UNC5D: variants seen among roughly 807,000 people sequenced by gnomAD.
UNC5D encodes the protein unc-5 netrin receptor D, also known as netrin receptor UNC5D.
In UNC5D, 39 loss-of-function variants were observed where a neutral mutation model predicts 105.4. That is an observed-to-expected ratio of 0.37 (90% CI 0.29 to 0.48). UNC5D has a LOEUF of 0.48. Ranked by LOEUF, UNC5D falls within the 20% of genes least tolerant of loss-of-function variation. The pLI is 0.98. For missense variants in UNC5D, 991 were observed against 1,202.4 expected (o/e 0.82, Z 2.60); for synonymous variants, 452 against 450.4 (o/e 1.00, Z -0.04).
chr8:35,610,709 T>G (rs1048982168), intron 4 of UNC5D, among the ~76,000 whole-genome samples: 45 of 152,180 alleles, frequency 3.0e-4, no homozygotes, highest in African/African-American at 1.1e-3. Flanking sequence ...TTCTCTACAT[T>G]TGGCCAGAGC....
rs74424493 is a variant in UNC5D at position 35,490,226 on chromosome 8, G to A, written c.104-59066G>A. Among the ~76,000 whole-genome samples, 331 of 152,278 alleles carry A rather than the reference G, an allele frequency of 2.2e-3. 10 individuals carry two copies. The East Asian group carries it at 0.055, about 25-fold the overall frequency. On this transcript the variant is annotated intron_variant, in intron 1 of 16. Transcript: ENST00000404895. The stretch of plus-strand genomic sequence containing the variant: ...TGGTGTATTAACAATTTTGGAGCGG[G>A]GCACTATGGCTCATGCCTGTAATCC...
chr8:35,489,507 A>G (rs1216173119), intron 1 of UNC5D, among the ~76,000 whole-genome samples: 1 of 152,172 alleles, frequency 6.6e-6, no homozygotes, highest in East Asian at 1.9e-4. Flanking sequence ...ACGAATAGAA[A>G]TTTGGACACA....
At chr8:35,614,577 G>C (rs1251878361) in intron 4 of UNC5D, among the ~76,000 whole-genome samples, 1 of 151,918 alleles carries the variant, frequency 6.6e-6, no homozygotes, top group Admixed American at 6.6e-5. Context: ...AAAAAAAAGT[G>C]AGTTTTACTA....
At position 35,452,907 on chromosome 8, in the gene UNC5D, AGTT is replaced by A. The variant is rs1387874657; in HGVS notation, c.104-96384_104-96382del. On this transcript the variant is annotated intron_variant, in intron 1 of 16. Transcript: ENST00000404895. The stretch of plus-strand genomic sequence containing the variant: ...TGATCCAAGAGCTTCAGGAGGCATT[AGTT>A]TACTTTGAATATTTTTATATCTTTT... 2.7e-4 allele frequency among the ~76,000 whole-genome samples: 41 copies of A among 152,286 alleles called. 2 individuals are homozygous for A. Among genetic ancestry groups the A allele is most frequent in the African/African-American group, 9.4e-4 (39 of 41,574 alleles).
chr8:35,380,178 G>A (rs562934145), intron 1 of UNC5D, among the ~76,000 whole-genome samples: 5 of 140,168 alleles, frequency 3.6e-5, no homozygotes, highest in South Asian at 2.4e-4. Context: ...AGACCAAGAC[G>A]GAGAGACAGA....
At chr8:35,443,579 G>A (rs777413940) in intron 1 of UNC5D, among the ~76,000 whole-genome samples, 36 of 151,838 alleles carry the variant, frequency 2.4e-4, no homozygotes, top group African/African-American at 7.7e-4. Context: ...GGGAATCTGC[G>A]GAATATTTAG....
rs557163428 is a variant in UNC5D, at chr8:35,334,743, A to G, written c.103+98856A>G. On this transcript the variant is annotated intron_variant, in intron 1 of 16. Transcript: ENST00000404895. The stretch of plus-strand genomic sequence containing the variant: ...TGGCAAGGATGGTCTCGAACTCCTG[A>G]CCTCAGATGATGCACCCACCTCGGC... 2.6e-5 allele frequency among the ~76,000 whole-genome samples: 4 copies of G among 152,144 alleles called. No homozygotes were observed. The South Asian group carries it at 8.3e-4, about 32-fold the overall frequency.
At chr8:35,494,937 G>A (rs1811450288) in intron 1 of UNC5D, among the ~76,000 whole-genome samples, 1 of 152,044 alleles carries the variant, frequency 6.6e-6, no homozygotes, top group Middle Eastern at 3.4e-3. Context: ...ATTTATTCTA[G>A]CCTATATTTT....
At chr8:35,724,498 T>C (rs965879661) in intron 9 of UNC5D, among the ~76,000 whole-genome samples, 3 of 152,096 alleles carry the variant, frequency 2.0e-5, no homozygotes, top group African/African-American at 7.2e-5. Flanking sequence ...AAGACTGGGG[T>C]GACCAGCGGT....
intron 16 of UNC5D, among the ~76,000 whole-genome samples, chr8:35,779,157 A>G (rs917112137): frequency 3.9e-5 from 6 of 152,184 alleles, no homozygotes; most frequent in Non-Finnish European, 7.3e-5. Flanking sequence ...CTCCATTTCA[A>G]TGCTCTTGGC....
intron 11 of UNC5D, among the ~76,000 whole-genome samples, chr8:35,736,782 T>C (rs1323543394): frequency 1.3e-5 from 2 of 152,188 alleles, no homozygotes; most frequent in Non-Finnish European, 2.9e-5. Context: ...CATCACATAT[T>C]TTGGAAGCTA....
chr8:35,537,220 A>G (rs1045119118), intron 1 of UNC5D, among the ~76,000 whole-genome samples: 8 of 152,252 alleles, frequency 5.3e-5, no homozygotes, highest in Non-Finnish European at 1.0e-4. Flanking sequence ...ATGATTTAAT[A>G]TTTAATTTTG....
chr8:35,631,609 G>A (rs981491420), intron 4 of UNC5D, among the ~76,000 whole-genome samples: 2 of 152,200 alleles, frequency 1.3e-5, no homozygotes, highest in Non-Finnish European at 2.9e-5. Flanking sequence ...GAAAAGGGCC[G>A]AAGTTGCTCA....
At chr8:35,316,229 T>C (rs1313077367) in intron 1 of UNC5D, among the ~76,000 whole-genome samples, 1 of 152,154 alleles carries the variant, frequency 6.6e-6, no homozygotes, top group Non-Finnish European at 1.5e-5. Flanking sequence ...TGTGAGTTGC[T>C]TGGAAAAATT....
intron 4 of UNC5D, among the ~76,000 whole-genome samples, chr8:35,631,954 C>A (rs958906008): frequency 3.7e-4 from 57 of 152,256 alleles, no homozygotes; most frequent in African/African-American, 1.3e-3. Flanking sequence ...TTATCCAATA[C>A]CCAAATGATC....
Position 35,667,279 on chromosome 8 carries a change from A to G in UNC5D, c.571-16268A>G, listed in dbSNP as rs78067542. Among the ~76,000 whole-genome samples, 53 of 152,294 alleles carry G rather than the reference A, an allele frequency of 3.5e-4. No individual in the cohort carries two copies. The East Asian group carries it at 7.9e-3, about 23-fold the overall frequency. On this transcript the variant is annotated intron_variant, in intron 4 of 16. Transcript: ENST00000404895. ...CACAGGAAAGATTTATTTTTCTCTC[A>G]TGCTATAGGGCCATCACAGTCAGCT...
In UNC5D at chr8:35,443,302, CTG is replaced by C. The variant is rs371459880; in HGVS notation, c.104-105987_104-105986del. On this transcript the variant is annotated intron_variant, in intron 1 of 16. Transcript: ENST00000404895. ...CTCTGCTAGTGAGTCAGTTTGCTCT[CTG>C]TGGAAATGAGGAAGGATCTAGGGGA... Among the ~76,000 whole-genome samples, 781 of 151,672 alleles carry C rather than the reference CTG, an allele frequency of 5.1e-3. 3 individuals are homozygous for C. Among genetic ancestry groups the C allele is most frequent in the Middle Eastern group, 0.014 (4 of 294 alleles).
At chr8:35,592,267 G>T (rs1586200868) in intron 3 of UNC5D, among the ~76,000 whole-genome samples, 1 of 152,052 alleles carries the variant, frequency 6.6e-6, no homozygotes, top group African/African-American at 2.4e-5. Flanking sequence ...TGACTTTAAA[G>T]AACTAAAATT....
rs78640344 is a variant in UNC5D at position 35,460,743 on chromosome 8, C to T, written c.104-88549C>T. 5.0e-3 allele frequency among the ~76,000 whole-genome samples: 757 copies of T among 152,290 alleles called. 7 individuals carry two copies. Among genetic ancestry groups the T allele is most frequent in the African/African-American group, 0.016 (685 of 41,576 alleles). ...ATTTTCCTTATCTATCTCTATCTGG[C>T]TGGTTTTTTTGTTTGTTTGTTTGTT... On this transcript the variant is annotated intron_variant, in intron 1 of 16. Transcript: ENST00000404895.
Sources: gnomAD v4.1 joint callset for allele counts (sites outside exome capture counted in the v4.1 genomes callset) on GRCh38, gnomAD v4.1.1 for gene constraint, MANE v1.5 for transcripts, NCBI Gene and HGNC (gene_info 2026-07-23, HGNC 2026-07-21) for gene names.